Variants in CCDC191 observed in about 807,000 individuals in gnomAD.
CCDC191 encodes the protein coiled-coil domain-containing protein 191.
CCDC191 carries 99 observed loss-of-function variants against 114.0 expected under a neutral mutation model. The observed-to-expected ratio is 0.87, with a 90% confidence interval of 0.74 to 1.03. CCDC191 has a LOEUF of 1.03. Ranked by LOEUF, CCDC191 falls within the 50% of genes least tolerant of loss-of-function variation. The pLI is 0.00. For synonymous variants in CCDC191, 351 were observed against 376.0 expected (o/e 0.93, Z 0.77); for missense variants, 973 against 1,087.0 (o/e 0.90, Z 1.47).
At chr3:114,056,225 A>T in intron 1 of CCDC191, 152 bp downstream of exon 1, 1 of 691,878 alleles carries the variant, frequency 1.4e-6, no homozygotes, top group Non-Finnish European at 2.5e-6. Flanking sequence ...AGAGCATTTC[A>T]CTCAGGGTAA....
intron 16 of CCDC191, among the ~76,000 whole-genome samples, chr3:113,970,292 C>T (rs903326044): frequency 5.3e-5 from 8 of 152,094 alleles, no homozygotes; most frequent in Admixed American, 3.9e-4. Context: ...GCATGTCATC[C>T]GTAAACAAGG....
At position 113,965,214 on chromosome 3, in the gene CCDC191, C is replaced by T. The variant is rs147633710; in HGVS notation, c.2752G>A (p.Glu918Lys). 52 of 1,611,932 alleles carry T rather than the reference C, an allele frequency of 3.2e-5. No individual in the cohort carries two copies. The African/African-American group carries it at 4.4e-4, about 14-fold the overall frequency. The change falls in exon 17 of 17, where the codon GAG becomes AAG. Residue 918 changes from glutamate (E) to lysine (K), a missense_variant. Transcript: ENST00000295878. ...PDFQVPGRYH[E>K]LYQQSDTWSL... ...CAAGTATCTGATTGCTGATATAGCTCGTGGTACCTTCCAGGTACCTGGAAG... is the reference window on the plus strand; with the variant it reads ...CAAGTATCTGATTGCTGATATAGCTTGTGGTACCTTCCAGGTACCTGGAAG...
chr3:114,029,427 A>C (rs2076373120), intron 7 of CCDC191, among the ~76,000 whole-genome samples: 1 of 152,256 alleles, frequency 6.6e-6, no homozygotes, highest in Non-Finnish European at 1.5e-5. Context: ...TAGATGAAGG[A>C]GAAGGGACTG....
Position 113,965,185 on chromosome 3 carries a change from G to A in CCDC191, c.2781C>T (p.Ser927=), listed in dbSNP as rs1167557221. ...HELYQQSDTW[S]LSKTSLVNE ...CGTTCACCAGACTTGTCTTACTCAA[G>A]GACCAAGTATCTGATTGCTGATATA... The change falls in exon 17 of 17, where the codon TCC becomes TCT. Residue 927 remains serine (S), a synonymous_variant. Coordinates refer to ENST00000295878, the MANE Select transcript of CCDC191 (RefSeq NM_020817.2). 1 of 1,606,074 alleles carries A rather than the reference G, an allele frequency of 6.2e-7. No individual in the cohort carries two copies. Among genetic ancestry groups the A allele is most frequent in the Non-Finnish European group, 8.5e-7 (1 of 1,176,472 alleles).
chr3:113,975,133 C>T lies in CCDC191; in HGVS notation c.2606+3053G>A, dbSNP rs534831252. Among the ~76,000 whole-genome samples, 4 of 152,024 alleles carry T rather than the reference C, an allele frequency of 2.6e-5. No individual in the cohort carries two copies. The South Asian group carries it at 8.3e-4, about 32-fold the overall frequency. The stretch of plus-strand genomic sequence containing the variant: ...CTGTGACTTTCATTACTACCTACTT[C>T]ATGTTCATACTGTGGTTAAGAACTA... On this transcript the variant is annotated intron_variant, in intron 16 of 16. Transcript: ENST00000295878.
intron 16 of CCDC191, among the ~76,000 whole-genome samples, chr3:113,973,027 T>A (rs1046687394): frequency 6.6e-6 from 1 of 152,306 alleles, no homozygotes; most frequent in African/African-American, 2.4e-5. Context: ...TGTCTTTTAA[T>A]TGGAGAACTG....
At chr3:114,010,632 C>T in intron 9 of CCDC191, 140 bp downstream of exon 9, 1 of 695,816 alleles carries the variant, frequency 1.4e-6, no homozygotes, top group Non-Finnish European at 2.3e-6. Context: ...AGGAAATAAA[C>T]ACTGCCTGAA....
chr3:114,019,881 A>G (rs1008322575), intron 7 of CCDC191, among the ~76,000 whole-genome samples: 1 of 152,084 alleles, frequency 6.6e-6, no homozygotes, highest in Non-Finnish European at 1.5e-5. Flanking sequence ...TCCTATAACA[A>G]TCTATGCTTT....
intron 16 of CCDC191, among the ~76,000 whole-genome samples, chr3:113,965,922 G>A (rs1044345143): frequency 1.3e-5 from 2 of 151,984 alleles, no homozygotes; most frequent in Non-Finnish European, 2.9e-5. Context: ...ATTGAGTGGT[G>A]AAGGAAACTG....
rs905184900 is a variant in CCDC191 at position 114,055,832 on chromosome 3, T to G, written c.90+545A>C. Among the ~76,000 whole-genome samples the G allele has an allele frequency of 3.9e-5, 6 of 152,334 alleles. No homozygotes were observed. In the East Asian group the frequency reaches 9.6e-4, roughly 24 times the overall value. On this transcript the variant is annotated intron_variant, in intron 1 of 16. Transcript: ENST00000295878. ...GGGTGATAGATACGGAGAGAATCTA[T>G]TTTTTGAAAGTTGGTTGAATTTAGA...
intron 13 of CCDC191, among the ~76,000 whole-genome samples, chr3:113,999,001 G>A (rs1049703376): frequency 6.6e-6 from 1 of 152,076 alleles, no homozygotes; most frequent in South Asian, 2.1e-4. Context: ...CAATGGAATA[G>A]CCCTTTGAAG....
chr3:114,006,587 G>GATATAT (rs67264886), intron 9 of CCDC191, among the ~76,000 whole-genome samples: 2,195 of 82,370 alleles, frequency 0.027, 26 homozygotes, highest in East Asian at 0.051. Flanking sequence ...GGTTACTCCA[G>GATATAT]ATATATATAT....
chr3:114,006,900 T>C (rs2075981262), intron 9 of CCDC191, among the ~76,000 whole-genome samples: 1 of 151,966 alleles, frequency 6.6e-6, no homozygotes, highest in African/African-American at 2.4e-5. Context: ...TCCTGAACTA[T>C]CTATGGGTGG....
chr3:114,024,505 G>GA (rs2076290610), intron 7 of CCDC191, among the ~76,000 whole-genome samples: 1 of 152,176 alleles, frequency 6.6e-6, no homozygotes, highest in Non-Finnish European at 1.5e-5. Context: ...ATACACCATG[G>GA]AATACTATGC....
At chr3:113,995,843 T>C (rs947507127) in intron 13 of CCDC191, among the ~76,000 whole-genome samples, 2 of 152,238 alleles carry the variant, frequency 1.3e-5, no homozygotes, top group Non-Finnish European at 2.9e-5. Flanking sequence ...TAGAATCTCA[T>C]TGTGGTTTTG....
intron 16 of CCDC191, among the ~76,000 whole-genome samples, chr3:113,971,526 T>C (rs1940820245): frequency 6.6e-6 from 1 of 152,228 alleles, no homozygotes; most frequent in African/African-American, 2.4e-5. Flanking sequence ...CTGGGATAAA[T>C]CCCACTTGAT....
intron 13 of CCDC191, among the ~76,000 whole-genome samples, chr3:113,995,665 T>C (rs1223600176): frequency 6.6e-6 from 1 of 152,206 alleles, no homozygotes; most frequent in Non-Finnish European, 1.5e-5. Flanking sequence ...CTGGGTCAAA[T>C]GGTATTTCTG....
chr3:114,029,243 C>A (rs1194721651), intron 7 of CCDC191, among the ~76,000 whole-genome samples: 1 of 152,082 alleles, frequency 6.6e-6, no homozygotes, highest in African/African-American at 2.4e-5. Context: ...AAGGAGCCAA[C>A]TTGATAGGTT....
At chr3:114,009,841 A>T (rs1442102937) in intron 9 of CCDC191, among the ~76,000 whole-genome samples, 1 of 152,190 alleles carries the variant, frequency 6.6e-6, no homozygotes, top group Non-Finnish European at 1.5e-5. Flanking sequence ...AACAACTTAA[A>T]TTCCAGTAAT....
Sources: gnomAD v4.1 joint callset for allele counts (sites outside exome capture counted in the v4.1 genomes callset) on GRCh38, gnomAD v4.1.1 for gene constraint, MANE v1.5 for transcripts, NCBI Gene and HGNC (gene_info 2026-07-23, HGNC 2026-07-21) for gene names.